The following ASTN2 variants were observed in gnomAD, a reference collection of about 807,000 sequenced individuals.
ASTN2 encodes the protein astrotactin 2.
ASTN2 carries 54 observed loss-of-function variants against 139.8 expected under a neutral mutation model. The ratio of observed to expected loss-of-function variants is 0.39; its 90% CI spans 0.31 to 0.48. The LOEUF is 0.48. ASTN2 is among the 20% of genes least tolerant of loss of function. ASTN2 has a pLI of 0.95. For synonymous variants in ASTN2, 756 were observed against 719.5 expected (o/e 1.05, Z -0.81); for missense variants, 1,565 against 1,725.1 (o/e 0.91, Z 1.64).
At chr9:117,355,252 C>G (rs925229851) in intron 1 of ASTN2, among the ~76,000 whole-genome samples, 4 of 152,116 alleles carry the variant, frequency 2.6e-5, no homozygotes. Context: ...AATCTTGGCA[C>G]AAATGAAATA....
At chr9:116,909,030 G>T (rs949582008) in intron 10 of ASTN2, among the ~76,000 whole-genome samples, 3 of 152,174 alleles carry the variant, frequency 2.0e-5, no homozygotes, top group Non-Finnish European at 4.4e-5. Flanking sequence ...GTAGGCAGGG[G>T]TCAGATCAGA....
rs1857921559 is a variant in ASTN2 at position 116,651,639 on chromosome 9, A to G, written c.2961T>C (p.Cys987=). 1.9e-6 allele frequency: 3 copies of G among 1,614,042 alleles called. No individual in the cohort carries two copies. The highest frequency in any genetic ancestry group is 1.7e-6 in the Non-Finnish European group (2 of 1,180,046). ...CEEKGRCPST[C]HLCRRPGKEQ... is the part of the protein sequence containing the mutation. ...CCTTGCCTGGCCGGCGGCAAAGGTG[A>G]CAGGTAGATGGACAGCGCCCCTTCT... is the stretch of plus-strand genomic sequence containing the variant. The change falls in exon 17 of 23, where the codon TGT becomes TGC. Residue 987 remains cysteine, a synonymous_variant. Transcript: ENST00000313400.
At chr9:117,058,577 C>T (rs746819183) in intron 5 of ASTN2, among the ~76,000 whole-genome samples, 2 of 152,168 alleles carry the variant, frequency 1.3e-5, no homozygotes, top group Non-Finnish European at 2.9e-5. Flanking sequence ...AGATATCTGA[C>T]CCCAAGGTAT....
chr9:117,265,771 A>G (rs969032856), intron 2 of ASTN2, among the ~76,000 whole-genome samples: 1 of 151,666 alleles, frequency 6.6e-6, no homozygotes, highest in East Asian at 1.9e-4. Flanking sequence ...TCACTACACA[A>G]TGGTTCCTCA....
intron 19 of ASTN2, among the ~76,000 whole-genome samples, chr9:116,604,586 A>G (rs1855091180): frequency 6.6e-6 from 1 of 152,190 alleles, no homozygotes; most frequent in Admixed American, 6.5e-5. Context: ...AGCATGGTTC[A>G]GCCATGGCCC....
intron 10 of ASTN2, among the ~76,000 whole-genome samples, chr9:116,973,810 T>G (rs533841683): frequency 2.0e-5 from 3 of 152,334 alleles, no homozygotes; most frequent in East Asian, 1.9e-4. Flanking sequence ...TAATCACTAT[T>G]TCATATCCTA....
intron 3 of ASTN2, among the ~76,000 whole-genome samples, chr9:117,196,574 T>C (rs958804): frequency 0.33 from 49,954 of 152,000 alleles, 8,359 homozygotes; most frequent in East Asian, 0.43. Context: ...TCTATCACTG[T>C]CGGCCATTGC....
chr9:117,050,449 C>T (rs1027135921), intron 5 of ASTN2, among the ~76,000 whole-genome samples: 1 of 152,000 alleles, frequency 6.6e-6, no homozygotes, highest in Admixed American at 6.6e-5. Flanking sequence ...CAACGTTATT[C>T]CCCTACTCCT....
At chr9:116,651,215 C>T (rs1295147909) in intron 17 of ASTN2, among the ~76,000 whole-genome samples, 1 of 152,094 alleles carries the variant, frequency 6.6e-6, no homozygotes, top group Non-Finnish European at 1.5e-5. Context: ...CCATGCCCAG[C>T]CTGCACTACT....
At chr9:116,852,556 G>C (rs1832635701) in intron 11 of ASTN2, among the ~76,000 whole-genome samples, 2 of 152,234 alleles carry the variant, frequency 1.3e-5, no homozygotes, top group South Asian at 4.2e-4. Flanking sequence ...GCTCCCTCAA[G>C]GGAAAGGGAT....
At chr9:117,314,743 T>G (rs960732196) in intron 1 of ASTN2, among the ~76,000 whole-genome samples, 6 of 145,764 alleles carry the variant, frequency 4.1e-5, no homozygotes, top group African/African-American at 1.5e-4. Flanking sequence ...CATATAGTAA[T>G]GTAATATAAT....
At chr9:117,291,232 T>C in intron 2 of ASTN2, 94 bp downstream of exon 2, 1 of 1,476,922 alleles carries the variant, frequency 6.8e-7, no homozygotes, top group Non-Finnish European at 9.2e-7. Context: ...GGTTCTTTCC[T>C]TCCATCTGTG....
chr9:116,586,577 G>C (rs1227501103), intron 19 of ASTN2, among the ~76,000 whole-genome samples: 1 of 152,020 alleles, frequency 6.6e-6, no homozygotes, highest in Non-Finnish European at 1.5e-5. Context: ...ACTTATAAGT[G>C]GGAGCTTAAC....
intron 3 of ASTN2, among the ~76,000 whole-genome samples, chr9:117,163,887 A>T (rs1056052980): frequency 2.0e-5 from 3 of 152,102 alleles, no homozygotes; most frequent in Admixed American, 6.6e-5. Context: ...ATTGAAAATG[A>T]CTTCCACACA....
At chr9:116,608,495 A>G (rs1855331708) in intron 19 of ASTN2, among the ~76,000 whole-genome samples, 1 of 152,192 alleles carries the variant, frequency 6.6e-6, no homozygotes, top group Non-Finnish European at 1.5e-5. Context: ...TCCATCTAAC[A>G]AATCTTAAAA....
intron 20 of ASTN2, among the ~76,000 whole-genome samples, chr9:116,467,508 G>A (rs1056246674): frequency 1.2e-4 from 18 of 152,116 alleles, no homozygotes; most frequent in South Asian, 2.1e-4. Flanking sequence ...CTCGTGATCC[G>A]CCTGCCTCAG....
At chr9:116,723,699 A>G (rs1390084438) in intron 16 of ASTN2, among the ~76,000 whole-genome samples, 1 of 152,208 alleles carries the variant, frequency 6.6e-6, no homozygotes, top group Non-Finnish European at 1.5e-5. Context: ...CCCAAATATA[A>G]AAAATAAAAC....
At chr9:117,345,175 A>G (rs1186969402) in intron 1 of ASTN2, among the ~76,000 whole-genome samples, 5 of 152,150 alleles carry the variant, frequency 3.3e-5, no homozygotes, top group African/African-American at 1.2e-4. Context: ...TCCAGCCAGC[A>G]AGGCTTGCTC....
intron 7 of ASTN2, among the ~76,000 whole-genome samples, chr9:116,979,237 A>G (rs1160230773): frequency 1.3e-5 from 2 of 152,198 alleles, no homozygotes; most frequent in Admixed American, 6.5e-5. Context: ...GGTCAGAGAT[A>G]GTATTCAAAA....
Sources: gnomAD v4.1 joint callset for allele counts (sites outside exome capture counted in the v4.1 genomes callset) on GRCh38, gnomAD v4.1.1 for gene constraint, MANE v1.5 for transcripts, NCBI Gene and HGNC (gene_info 2026-07-23, HGNC 2026-07-21) for gene names.